Variants in DNAH2 observed in about 807,000 individuals in gnomAD.
The protein encoded by DNAH2 is axonemal beta dynein heavy chain 2.
A neutral mutation model predicts 523.5 loss-of-function variants in DNAH2; 323 were observed. The ratio of observed to expected loss-of-function variants is 0.62; its 90% CI spans 0.56 to 0.68. The LOEUF (loss-of-function observed/expected upper bound fraction) is 0.68. DNAH2 is among the 30% of genes least tolerant of loss of function. DNAH2 has a pLI of 0.00. For missense variants in DNAH2, 4,907 were observed against 5,701.5 expected (o/e 0.86, Z 4.49); for synonymous variants, 2,093 against 2,177.4 (o/e 0.96, Z 1.08).
intron 19 of DNAH2, 22 bp from the exon 20 acceptor site, chr17:7,764,095 C>A (rs762221140): frequency 6.2e-7 from 1 of 1,614,232 alleles, no homozygotes; most frequent in East Asian, 2.2e-5. Flanking sequence ...CACTCACTAG[C>A]ACTCCCTTTG....
rs1262038181 is a variant in DNAH2 at position 7,780,515 on chromosome 17, G to A, written c.5851-115G>A. ...ATTTCCTCAGGAGAATCCATAGAGT[G>A]CCTCCTAGCTGCTTCATGTCCTGGG... is the stretch of plus-strand genomic sequence containing the variant. On this transcript the variant is annotated intron_variant, in intron 37 of 85. Transcript: ENST00000572933. The surrounding 1 kb of genome is among the most constrained non-coding windows in gnomAD (Gnocchi z 4.4). The A allele has an allele frequency of 6.8e-7, 1 of 1,471,118 alleles. No individual in the cohort carries two copies. The highest frequency in any genetic ancestry group is 1.4e-5 in the African/African-American group (1 of 71,538). 91.1% of individuals were successfully genotyped at this position (1,471,118 alleles called of 1,614,324 possible).
intron 12 of DNAH2, among the ~76,000 whole-genome samples, chr17:7,751,098 C>G (rs2075669196): frequency 6.6e-6 from 1 of 151,666 alleles, no homozygotes; most frequent in South Asian, 2.1e-4. Flanking sequence ...AAAAGCCCTG[C>G]AGATTAAAAA....
chr17:7,770,788 A>G lies in DNAH2; in HGVS notation c.4217A>G (p.Asn1406Ser). 1 of 1,614,152 alleles carries G rather than the reference A, an allele frequency of 6.2e-7. No homozygotes were observed. Residue 1406 changes from asparagine to serine, a missense_variant, in exon 27 of 86, where the codon AAC (asparagine) becomes AGC (serine). Around this residue, in one of 3 missense-constraint regions of DNAH2, gnomAD observed 2,806 missense variants for 3,190.8 expected, o/e 0.88. Transcript: ENST00000572933. ...TEEVFQALED[N>S]QVALSTMKAS... is the part of the protein sequence containing the mutation. Reference sequence around the variant, plus strand: ...GAAGTATTCCAGGCACTGGAAGATAACCAGGTAGCTCTGTCTACCATGAAG... The same window carrying G: ...GAAGTATTCCAGGCACTGGAAGATAGCCAGGTAGCTCTGTCTACCATGAAG...
rs2076743276 is a variant in DNAH2, at chr17:7,786,654, A to G, written c.6433A>G (p.Ile2145Val). 3 of 1,614,070 alleles carry G rather than the reference A, an allele frequency of 1.9e-6. No individual in the cohort carries two copies. Among genetic ancestry groups the G allele is most frequent in the East Asian group, 2.2e-5 (1 of 44,884 alleles). ...CAGCACCAATGAATGGACAGATGGCATCTTGTCCAGTGTCATGCGGACGGC... is the reference window on the plus strand; with the variant it reads ...CAGCACCAATGAATGGACAGATGGCGTCTTGTCCAGTGTCATGCGGACGGC... Reference protein sequence around the residue: ...DLSTNEWTDGILSSVMRTACA... With the variant: ...DLSTNEWTDGVLSSVMRTACA... The change falls in exon 41 of 86, where the codon ATC becomes GTC. Residue 2145 changes from isoleucine (I) to valine (V), a missense_variant. Physicochemically the swap from Ile to Val is conservative, Grantham distance 29 (BLOSUM62 3). Around this residue, in one of 3 missense-constraint regions of DNAH2, gnomAD observed 2,806 missense variants for 3,190.8 expected, o/e 0.88. Transcript: ENST00000572933. This position sits in a 1 kb window ranked among gnomAD's most constrained non-coding sequence, Gnocchi z 7.5.
At position 7,754,670 on chromosome 17, in the gene DNAH2, A is replaced by G. The variant is rs2075786202; in HGVS notation, c.1905-2421A>G. ...AGGGTGTCAGCCATAAACTTGATCG[A>G]CTTGCCTACATTGCCCACCCCAACC... On this transcript the variant is annotated intron_variant, in intron 12 of 85. Coordinates refer to ENST00000572933, the MANE Select transcript of DNAH2 (RefSeq NM_020877.5). The surrounding 1 kb of genome is among the most constrained non-coding windows in gnomAD (Gnocchi z 4.6). The G allele has an allele frequency of 2.3e-6, 3 of 1,321,504 alleles. No homozygotes were observed. The Admixed American group carries it at 5.1e-5, about 22-fold the overall frequency. 81.9% of individuals were successfully genotyped at this position (1,321,504 alleles called of 1,614,324 possible).
In DNAH2 at chr17:7,831,164, T is replaced by A. The variant is rs757788291; in HGVS notation, c.12309T>A (p.Pro4103=). ...ASYKEYISLL[P]GMDPPEAFGQ... ...ACAAGGAATACATCAGCTTATTGCC[T>A]GGCATGGACCCCCCTGAGGCCTTTG... The change falls in exon 80 of 86, where the codon CCT becomes CCA. Residue 4103 remains proline (P), a synonymous_variant. Coordinates refer to ENST00000572933, the MANE Select transcript of DNAH2 (RefSeq NM_020877.5). This position sits in a 1 kb window ranked among gnomAD's most constrained non-coding sequence, Gnocchi z 4.2. 6.2e-7 allele frequency: 1 copy of A among 1,614,170 alleles called. No individual in the cohort carries two copies. The highest frequency in any genetic ancestry group is 1.7e-5 in the Admixed American group (1 of 60,026).
intron 57 of DNAH2, 39 bp from the exon 58 acceptor site, chr17:7,801,839 G>A (rs1428989789): frequency 1.5e-5 from 24 of 1,612,942 alleles, no homozygotes; most frequent in Non-Finnish European, 2.0e-5. Flanking sequence ...TCCCACTTCC[G>A]TTTCCATCTG....
intron 63 of DNAH2, among the ~76,000 whole-genome samples, chr17:7,815,131 A>G (rs1055621556): frequency 7.2e-5 from 11 of 152,248 alleles, no homozygotes; most frequent in South Asian, 2.1e-4. Flanking sequence ...GTTGTTTTAA[A>G]GAATATCTTC....
intron 63 of DNAH2, among the ~76,000 whole-genome samples, chr17:7,812,821 T>A (rs1333483963): frequency 7.8e-6 from 1 of 128,744 alleles, no homozygotes; most frequent in Non-Finnish European, 1.6e-5. Flanking sequence ...TGGGCACCTG[T>A]AATCCTAGCT....
chr17:7,767,050 C>G (rs954791729), intron 22 of DNAH2, among the ~76,000 whole-genome samples: 1 of 152,044 alleles, frequency 6.6e-6, no homozygotes, highest in African/African-American at 2.4e-5. Context: ...GAAACTCTGC[C>G]CATTAGCAGT....
chr17:7,796,238 G>A (rs566862380), intron 49 of DNAH2, among the ~76,000 whole-genome samples: 6 of 151,688 alleles, frequency 4.0e-5, no homozygotes, highest in African/African-American at 1.4e-4. Context: ...TAGTAAAGAC[G>A]GAGTTTCTCC....
intron 5 of DNAH2, 32 bp downstream of exon 5, chr17:7,733,347 C>T (rs752596895): frequency 4.4e-6 from 7 of 1,605,618 alleles, no homozygotes; most frequent in Non-Finnish European, 5.1e-6. Flanking sequence ...ACTAGTTTCT[C>T]CTTAGTGTCC....
At chr17:7,827,206 CT>C (rs921441523) in intron 77 of DNAH2, among the ~76,000 whole-genome samples, 2 of 151,922 alleles carry the variant, frequency 1.3e-5, no homozygotes, top group African/African-American at 4.8e-5. Flanking sequence ...CTCTTTTATG[CT>C]GTTTTTTGGT....
chr17:7,833,069 A>C lies in DNAH2; in HGVS notation c.12979-2A>C, dbSNP rs752857308. On this transcript the variant is annotated splice_acceptor_variant, in intron 84 of 85. Coordinates refer to ENST00000572933, the MANE Select transcript of DNAH2 (RefSeq NM_020877.5). LOFTEE classifies it high-confidence loss of function. ...CCCAGACCTGCTCCCATTTCTCCCC[A>C]GGATGGTGTCTGGGTCCGGGGCCTG... The C allele has an allele frequency of 4.3e-6, 7 of 1,613,394 alleles. No individual in the cohort carries two copies. The South Asian group carries it at 6.6e-5, about 15-fold the overall frequency.
intron 73 of DNAH2, among the ~76,000 whole-genome samples, chr17:7,823,023 G>A (rs2077903825): frequency 2.0e-5 from 3 of 152,034 alleles, no homozygotes. Context: ...GGCTGGGCGC[G>A]GTGGCTGACA....
Position 7,737,106 on chromosome 17 carries a change from T to C in DNAH2, c.1018T>C (p.Ser340Pro). 6.2e-7 allele frequency: 1 copy of C among 1,614,210 alleles called. No individual in the cohort carries two copies. Among genetic ancestry groups the C allele is most frequent in the Non-Finnish European group, 8.5e-7 (1 of 1,180,030 alleles). The change falls in exon 8 of 86, where the codon TCA (serine) becomes CCA (proline). Residue 340 changes from serine (S) to proline (P), a missense_variant. Around this residue, in one of 3 missense-constraint regions of DNAH2, gnomAD observed 2,806 missense variants for 3,190.8 expected, o/e 0.88. Coordinates refer to ENST00000572933, the MANE Select transcript of DNAH2 (RefSeq NM_020877.5). ...RQAQSNLTFL[S>P]ILKEPYQELA... is the part of the protein sequence containing the mutation. Reference sequence around the variant, plus strand: ...AGCACAGTCAAACCTGACCTTTTTGTCAATCCTGAAGGAACCTTACCAGGA... The same window carrying C: ...AGCACAGTCAAACCTGACCTTTTTGCCAATCCTGAAGGAACCTTACCAGGA...
At chr17:7,763,568 C>T (rs902276010) in intron 18 of DNAH2, among the ~76,000 whole-genome samples, 11 of 152,194 alleles carry the variant, frequency 7.2e-5, no homozygotes, top group Admixed American at 4.6e-4. Flanking sequence ...CGTGAGCCAT[C>T]GCACCCTGCC....
At chr17:7,719,671 G>C in intron 1 of DNAH2, 50 bp from the exon 2 acceptor site, 2 of 1,607,712 alleles carry the variant, frequency 1.2e-6, no homozygotes, top group Non-Finnish European at 1.7e-6. Context: ...CAGGGGGCTG[G>C]TTCAGGGGTG....
Position 7,798,764 on chromosome 17 carries a change from C to A in DNAH2, c.8559+46C>A. The A allele has an allele frequency of 1.3e-6, 2 of 1,583,628 alleles. No individual in the cohort carries two copies. Among genetic ancestry groups the A allele is most frequent in the Non-Finnish European group, 8.6e-7 (1 of 1,165,940 alleles). ...TTGACCAGTCAGTTCTTTGGCCTGC[C>A]TAGCTGACCCCAGAAGGACCACAGC... On this transcript the variant is annotated intron_variant, in intron 55 of 85. Transcript: ENST00000572933. The surrounding 1 kb of genome is among the most constrained non-coding windows in gnomAD (Gnocchi z 5.5).
Sources: gnomAD v4.1 joint callset for allele counts (sites outside exome capture counted in the v4.1 genomes callset) on GRCh38, gnomAD v4.1.1 for gene constraint, gnomAD v4.1.1 regional missense constraint, Gnocchi (gnomAD v3.1) non-coding constraint, MANE v1.5 for transcripts, NCBI Gene and HGNC (gene_info 2026-07-23, HGNC 2026-07-21) for gene names.